Variants in KLHL29 observed in about 807,000 individuals in gnomAD.
The protein encoded by KLHL29 is kelch-like protein 29.
Under a neutral mutation model 80.4 loss-of-function variants are expected in KLHL29, and 21 were observed. The observed-to-expected ratio is 0.26, with a 90% CI of 0.19 to 0.38. KLHL29 has a LOEUF of 0.38. Ranked by LOEUF, KLHL29 falls within the 10% of genes least tolerant of loss-of-function variation. KLHL29 has a pLI of 1.00. For missense variants in KLHL29, 867 were observed against 1,223.9 expected, an observed-to-expected ratio of 0.71 and a Z score of 4.35; for synonymous variants, 511 against 526.8, an observed-to-expected ratio of 0.97 and a Z score of 0.41.
chr2:23,480,455 A>C (rs1003115744), intron 2 of KLHL29, among the ~76,000 whole-genome samples: 1 of 151,672 alleles, frequency 6.6e-6, no homozygotes, highest in Non-Finnish European at 1.5e-5. Context: ...CCACTGCACC[A>C]CTCCACCCTA....
At position 23,707,024 on chromosome 2, in the gene KLHL29, C is replaced by T. The variant is rs187774903; in HGVS notation, c.*360C>T. 5 of 178,114 alleles carry T rather than the reference C, an allele frequency of 2.8e-5. No individual in the cohort carries two copies. Among genetic ancestry groups the T allele is most frequent in the African/African-American group, 1.2e-4 (5 of 42,552 alleles). The allele number at this position is 178,114 out of a possible 1,614,324, so 11.0% of individuals were successfully genotyped here. A position where few individuals can be genotyped will look rare whatever the true frequency, so the allele number is the denominator to read the frequency against. ...GCTTGATCCCTAAACAACCATAGATCAGTTATCTTATGACAACATTAGGCA... is the reference window on the plus strand; with the variant it reads ...GCTTGATCCCTAAACAACCATAGATTAGTTATCTTATGACAACATTAGGCA... On this transcript the variant is annotated 3_prime_UTR_variant, in exon 14 of 14. Transcript: ENST00000486442.
At chr2:23,604,279 T>C (rs1668649348) in intron 3 of KLHL29, among the ~76,000 whole-genome samples, 1 of 136,896 alleles carries the variant, frequency 7.3e-6, no homozygotes, top group African/African-American at 2.7e-5. Flanking sequence ...GTATTTTTAG[T>C]TGAGACGGGG....
intron 1 of KLHL29, among the ~76,000 whole-genome samples, chr2:23,442,279 T>G (rs1663549969): frequency 6.6e-6 from 1 of 152,064 alleles, no homozygotes; most frequent in African/African-American, 2.4e-5. Flanking sequence ...TTTTTGTAGA[T>G]ATGGGGTCTC....
intron 2 of KLHL29, among the ~76,000 whole-genome samples, chr2:23,533,935 G>GTT (rs66937094): frequency 1.9e-3 from 278 of 145,776 alleles, no homozygotes; most frequent in African/African-American, 2.6e-3. Flanking sequence ...GGTGTCTGTT[G>GTT]TTTTTTTTTT....
intron 2 of KLHL29, among the ~76,000 whole-genome samples, chr2:23,492,376 G>A (rs1267260139): frequency 2.0e-5 from 3 of 152,200 alleles, no homozygotes; most frequent in Non-Finnish European, 4.4e-5. Flanking sequence ...GTTTGGGGCT[G>A]CTGGTCTTCT....
At chr2:23,567,656 T>C (rs1462029005) in intron 3 of KLHL29, among the ~76,000 whole-genome samples, 3 of 152,198 alleles carry the variant, frequency 2.0e-5, no homozygotes, top group Non-Finnish European at 2.9e-5. Flanking sequence ...GCAGGGCCAA[T>C]GTGGCAGCCC....
intron 3 of KLHL29, among the ~76,000 whole-genome samples, chr2:23,628,838 G>A (rs941542301): frequency 9.2e-5 from 14 of 152,282 alleles, no homozygotes; most frequent in Non-Finnish European, 1.3e-4. Context: ...TCCCAGAAAT[G>A]GGCGTTGTGT....
At chr2:23,608,116 T>A (rs1014791501) in intron 3 of KLHL29, among the ~76,000 whole-genome samples, 7 of 152,192 alleles carry the variant, frequency 4.6e-5, no homozygotes, top group Admixed American at 3.3e-4. Context: ...CCTTTTGTTG[T>A]CCACACAAAG....
chr2:23,427,210 G>A (rs1663028101), intron 1 of KLHL29, among the ~76,000 whole-genome samples: 1 of 152,188 alleles, frequency 6.6e-6, no homozygotes, highest in East Asian at 1.9e-4. Context: ...TTGAAAGGGG[G>A]CCACACGTTG....
chr2:23,694,579 G>A (rs1421512803), intron 8 of KLHL29, among the ~76,000 whole-genome samples: 3 of 152,096 alleles, frequency 2.0e-5, no homozygotes, highest in Non-Finnish European at 4.4e-5. Flanking sequence ...GCATGAGCAT[G>A]AGCTGGCCTC....
At chr2:23,679,569 G>C (rs1353496397) in intron 5 of KLHL29, among the ~76,000 whole-genome samples, 1 of 145,048 alleles carries the variant, frequency 6.9e-6, no homozygotes, top group African/African-American at 2.5e-5. Context: ...TCCACCTCTT[G>C]ACGGGGGAAG....
At chr2:23,435,583 C>T (rs907246762) in intron 1 of KLHL29, among the ~76,000 whole-genome samples, 7 of 152,144 alleles carry the variant, frequency 4.6e-5, no homozygotes, top group Non-Finnish European at 7.4e-5. Context: ...GAATGAGCTG[C>T]GGTTGCACGT....
chr2:23,693,113 A>G (rs1048418302), intron 7 of KLHL29, among the ~76,000 whole-genome samples, 156 bp from the exon 8 acceptor site: 1 of 152,112 alleles, frequency 6.6e-6, no homozygotes, highest in African/African-American at 2.4e-5. Context: ...CGAAGCCTCC[A>G]GACACCCAGG....
chr2:23,495,789 G>C (rs991263733), intron 2 of KLHL29, among the ~76,000 whole-genome samples: 2 of 152,224 alleles, frequency 1.3e-5, no homozygotes, highest in African/African-American at 4.8e-5. Context: ...CACTGGGAGA[G>C]TCTAATCCCG....
intron 5 of KLHL29, among the ~76,000 whole-genome samples, chr2:23,677,530 G>A (rs1199870675): frequency 1.3e-5 from 2 of 152,320 alleles, no homozygotes; most frequent in Non-Finnish European, 2.9e-5. Flanking sequence ...CACAGGTGCC[G>A]CCCGCAGGTG....
intron 2 of KLHL29, among the ~76,000 whole-genome samples, chr2:23,478,205 C>T (rs1239785910): frequency 6.6e-6 from 1 of 152,202 alleles, no homozygotes; most frequent in Non-Finnish European, 1.5e-5. Flanking sequence ...CATACCAGTA[C>T]CTGATGAGCT....
chr2:23,411,822 C>T (rs1256812085), intron 1 of KLHL29, among the ~76,000 whole-genome samples: 1 of 152,102 alleles, frequency 6.6e-6, no homozygotes, highest in Non-Finnish European at 1.5e-5. Context: ...AGTTTCTAAT[C>T]TGAGTCACTT....
chr2:23,611,190 G>A (rs56022709), intron 3 of KLHL29, among the ~76,000 whole-genome samples: 231 of 152,288 alleles, frequency 1.5e-3, no homozygotes, highest in Middle Eastern at 3.4e-3. Context: ...GCTGCTATTC[G>A]ATTCGGGTCT....
intron 2 of KLHL29, among the ~76,000 whole-genome samples, chr2:23,555,561 T>C (rs1219954429): frequency 1.3e-5 from 2 of 152,202 alleles, no homozygotes; most frequent in Non-Finnish European, 2.9e-5. Flanking sequence ...GTGGCCAGTT[T>C]CCATTCATTC....
Sources: allele counts gnomAD v4.1 joint callset (sites outside exome capture counted in the v4.1 genomes callset), GRCh38; gene constraint gnomAD v4.1.1; transcripts MANE v1.5; gene names NCBI Gene and HGNC (gene_info 2026-07-23, HGNC 2026-07-21).